The following SMIM35 variants were observed in gnomAD, a reference collection of about 807,000 sequenced individuals.
SMIM35 encodes TMPRSS4 antisense RNA 1 (non-protein coding).
At chr11:118,062,665 T>G (rs935719303) in intron 1 of SMIM35, among the ~76,000 whole-genome samples, 39 of 152,116 alleles carry the variant, frequency 2.6e-4, no homozygotes, top group African/African-American at 9.2e-4. Context: ...TCCACACCCC[T>G]GCACCCTTGC....
chr11:118,029,600 G>A (rs1224124413), intron 1 of SMIM35: 1 of 456,224 alleles, frequency 2.2e-6, no homozygotes, highest in Non-Finnish European at 4.4e-6. Flanking sequence ...GCTTCTTATT[G>A]TCATATCACT....
intron 1 of SMIM35, among the ~76,000 whole-genome samples, chr11:118,020,704 C>G (rs1315197111): frequency 6.6e-6 from 1 of 152,118 alleles, no homozygotes; most frequent in African/African-American, 2.4e-5. Context: ...GCTGAATTCT[C>G]TCATTCTAAT....
In SMIM35 at chr11:118,013,891, T is replaced by C. The variant is rs2058162918; in HGVS notation, c.159-11A>G. 2.5e-6 allele frequency: 1 copy of C among 398,906 alleles called. No individual in the cohort carries two copies. Among genetic ancestry groups the C allele is most frequent in the Non-Finnish European group, 4.4e-6 (1 of 226,076 alleles). 24.7% of individuals were successfully genotyped at this position (398,906 alleles called of 1,614,324 possible). A position where few individuals can be genotyped will look rare whatever the true frequency, so the allele number is the denominator to read the frequency against. ...AGATCCTTCAGGTTCCTGAAAAAGA[T>C]GATCCAATCAGGCTACTGGAGCTGA... On this transcript the variant is annotated splice_polypyrimidine_tract_variant and intron_variant, in intron 3 of 4. Coordinates refer to ENST00000689828, the MANE Select transcript of SMIM35 (RefSeq NM_001394165.1).
At chr11:118,077,455 C>T (rs1486723597) in intron 1 of SMIM35, 15 of 910,414 alleles carry the variant, frequency 1.6e-5, no homozygotes, top group Non-Finnish European at 2.3e-5. Flanking sequence ...CCTCACACCC[C>T]AGCCCGGTAC....
chr11:118,050,848 C>A (rs76190886), intron 1 of SMIM35, among the ~76,000 whole-genome samples: 4 of 152,126 alleles, frequency 2.6e-5, no homozygotes, highest in African/African-American at 9.7e-5. Flanking sequence ...ATCTTGAATC[C>A]CAGACCCAGG....
intron 1 of SMIM35, among the ~76,000 whole-genome samples, chr11:118,074,766 GA>G (rs1441115158): frequency 2.4e-5 from 3 of 125,946 alleles, no homozygotes; most frequent in Non-Finnish European, 5.1e-5. Context: ...AAAAAAAAAA[GA>G]ATGTGGGTTC....
chr11:118,077,439 A>G, intron 1 of SMIM35: 1 of 1,076,086 alleles, frequency 9.3e-7, no homozygotes, highest in Admixed American at 2.8e-5. Flanking sequence ...GGCCACACCC[A>G]AATCCCCTCA....
chr11:118,053,307 A>AACACACACACAC (rs57912361), intron 1 of SMIM35, among the ~76,000 whole-genome samples: 45 of 142,100 alleles, frequency 3.2e-4, no homozygotes, highest in African/African-American at 1.0e-3. Flanking sequence ...GACTCTCTAA[A>AACACACACACAC]ACACACACAC....
chr11:118,035,420 G>T (rs1168235826), intron 1 of SMIM35, among the ~76,000 whole-genome samples: 1 of 152,184 alleles, frequency 6.6e-6, no homozygotes, highest in South Asian at 2.1e-4. Flanking sequence ...AGTGGTCAAG[G>T]CACATAGGAG....
chr11:118,028,905 C>CAGG (rs560488794), intron 1 of SMIM35: 2 of 401,556 alleles, frequency 5.0e-6, no homozygotes, highest in Non-Finnish European at 1.0e-5. Context: ...GGAAGGAGGA[C>CAGG]AGGAGGAGGA....
At chr11:118,043,128 A>C (rs1441420117) in intron 1 of SMIM35, among the ~76,000 whole-genome samples, 1 of 152,246 alleles carries the variant, frequency 6.6e-6, no homozygotes, top group African/African-American at 2.4e-5. Flanking sequence ...TCAACATTGT[A>C]CTGGAGGTTC....
chr11:118,076,553 C>A (rs184333869), intron 1 of SMIM35, among the ~76,000 whole-genome samples: 1 of 152,248 alleles, frequency 6.6e-6, no homozygotes, highest in East Asian at 1.9e-4. Flanking sequence ...GAATATTGAA[C>A]GGCTGCTGAG....
intron 1 of SMIM35, among the ~76,000 whole-genome samples, chr11:118,052,799 C>T (rs1455667288): frequency 6.6e-6 from 1 of 152,088 alleles, no homozygotes; most frequent in Non-Finnish European, 1.5e-5. Flanking sequence ...CCTCCGAGAC[C>T]CACAGCAAAT....
At chr11:118,029,814 G>C in intron 1 of SMIM35, 1 of 456,952 alleles carries the variant, frequency 2.2e-6, no homozygotes, top group South Asian at 1.5e-5. Flanking sequence ...ATACTTCCAA[G>C]TTCTTCCCTT....
chr11:118,067,328 G>A (rs890008783), intron 1 of SMIM35: 8 of 152,104 alleles, frequency 5.3e-5, no homozygotes, highest in African/African-American at 1.4e-4. Context: ...TCTGGGCCTC[G>A]GTTTGCTATG....
intron 1 of SMIM35, among the ~76,000 whole-genome samples, chr11:118,027,053 C>CTCTG (rs1186217460): frequency 7.8e-6 from 1 of 127,934 alleles, no homozygotes; most frequent in Non-Finnish European, 1.6e-5. Flanking sequence ...CGGAGTCTCG[C>CTCTG]TCTGTCGCCC....
At chr11:118,068,189 G>A (rs1288730849) in intron 1 of SMIM35, among the ~76,000 whole-genome samples, 1 of 152,012 alleles carries the variant, frequency 6.6e-6, no homozygotes, top group Non-Finnish European at 1.5e-5. Context: ...CTCAGTATCT[G>A]TGGGTCAGTC....
chr11:118,057,732 G>A (rs1944336556), intron 1 of SMIM35, among the ~76,000 whole-genome samples: 1 of 152,210 alleles, frequency 6.6e-6, no homozygotes, highest in Non-Finnish European at 1.5e-5. Context: ...CCAGGAAGGA[G>A]CTGATGAAAT....
At chr11:118,034,514 G>A (rs1036252565) in intron 1 of SMIM35, among the ~76,000 whole-genome samples, 17 of 152,140 alleles carry the variant, frequency 1.1e-4, no homozygotes, top group African/African-American at 3.9e-4. Flanking sequence ...CTTGAGCTCA[G>A]GAGTTCAAGA....
Sources: allele counts gnomAD v4.1 joint callset (sites outside exome capture counted in the v4.1 genomes callset), GRCh38; gene constraint gnomAD v4.1.1; transcripts MANE v1.5; gene names NCBI Gene and HGNC (gene_info 2026-07-23, HGNC 2026-07-21).